The following XKR6 variants were observed in gnomAD, a reference collection of about 807,000 sequenced individuals.
XKR6 encodes the protein XK-related protein 6.
XKR6 carries 22 observed loss-of-function variants against 56.7 expected under a neutral mutation model. The observed-to-expected ratio is 0.39, with a 90% CI of 0.28 to 0.55. The LOEUF (loss-of-function observed/expected upper bound fraction) is 0.55, where lower values mean the gene tolerates loss of function less well. XKR6 is among the 20% of genes least tolerant of loss of function. XKR6 has a pLI of 0.66. For synonymous variants in XKR6, 524 were observed against 387.8 expected (o/e 1.35, Z -4.13); for missense variants, 852 against 889.0 (o/e 0.96, Z 0.53).
intron 1 of XKR6, among the ~76,000 whole-genome samples, chr8:10,985,093 C>A (rs1797830244): frequency 6.6e-6 from 1 of 152,054 alleles, no homozygotes; most frequent in Non-Finnish European, 1.5e-5. Flanking sequence ...GCACACACCA[C>A]CATGCCAGGC....
intron 1 of XKR6, among the ~76,000 whole-genome samples, chr8:10,994,957 C>T (rs558489822): frequency 2.2e-4 from 34 of 152,272 alleles, no homozygotes; most frequent in African/African-American, 7.9e-4. Flanking sequence ...TCACAAGTCC[C>T]ATCTTAGCCA....
In XKR6 at chr8:10,906,712, C is replaced by A. The variant is rs74598771; in HGVS notation, c.962-7796G>T. On this transcript the variant is annotated intron_variant, in intron 2 of 2. Transcript: ENST00000416569. ...TCCACAAGGAGTCACTTTAATGCAT[C>A]TCTGACATCTCCAGATGGACCCTTA... Among the ~76,000 whole-genome samples the A allele has an allele frequency of 3.9e-5, 6 of 152,316 alleles. No homozygotes were observed. The East Asian group carries it at 1.2e-3, about 29-fold the overall frequency.
At chr8:11,016,046 C>T (rs2129147196) in intron 1 of XKR6, among the ~76,000 whole-genome samples, 1 of 152,266 alleles carries the variant, frequency 6.6e-6, no homozygotes, top group East Asian at 1.9e-4. Context: ...CGTCGGCGAT[C>T]CCTGCCCCCT....
Position 11,181,463 on chromosome 8 carries a change from T to A in XKR6, c.764+19113A>T, listed in dbSNP as rs1179225188. ...AAACTAGATTACAAAGTGACTATAG[T>A]TTTCTTCTGGTTCCACTCAACAATG... On this transcript the variant is annotated intron_variant, in intron 1 of 2. Coordinates refer to ENST00000416569, the MANE Select transcript of XKR6 (RefSeq NM_173683.4). Among the ~76,000 whole-genome samples, 6 of 152,192 alleles carry A rather than the reference T, an allele frequency of 3.9e-5. 1 individual carries two copies. The East Asian group carries it at 1.2e-3, about 29-fold the overall frequency.
intron 1 of XKR6, among the ~76,000 whole-genome samples, chr8:11,051,895 T>C (rs187428536): frequency 3.3e-5 from 5 of 152,270 alleles, no homozygotes; most frequent in African/African-American, 1.2e-4. Context: ...GTTTGTTACA[T>C]AGGTATACAT....
At chr8:11,189,955 G>A (rs531574214) in intron 1 of XKR6, among the ~76,000 whole-genome samples, 1 of 152,120 alleles carries the variant, frequency 6.6e-6, no homozygotes, top group African/African-American at 2.4e-5. Context: ...TCAGCAGTTC[G>A]AGACCAGCCT....
intron 1 of XKR6, among the ~76,000 whole-genome samples, chr8:11,077,972 T>C (rs1255276861): frequency 6.6e-6 from 1 of 152,114 alleles, no homozygotes; most frequent in African/African-American, 2.4e-5. Context: ...GGGGAGGTTC[T>C]GGGTGGGCAG....
chr8:11,157,034 C>G (rs913908679), intron 1 of XKR6, among the ~76,000 whole-genome samples: 5 of 152,224 alleles, frequency 3.3e-5, no homozygotes, highest in Non-Finnish European at 7.3e-5. Context: ...AATTTGAGGT[C>G]ATGAGAGGGC....
At chr8:11,198,075 A>G (rs1803987308) in intron 1 of XKR6, among the ~76,000 whole-genome samples, 1 of 152,244 alleles carries the variant, frequency 6.6e-6, no homozygotes, top group African/African-American at 2.4e-5. Flanking sequence ...TTCCACAGCA[A>G]ATATGTTTAA....
chr8:10,998,538 A>G (rs1798167472), intron 1 of XKR6, among the ~76,000 whole-genome samples: 1 of 152,164 alleles, frequency 6.6e-6, no homozygotes, highest in African/African-American at 2.4e-5. Context: ...ATTCAGATTT[A>G]TTAGGAGTGG....
At chr8:11,066,044 G>A (rs972022343) in intron 1 of XKR6, among the ~76,000 whole-genome samples, 2 of 152,308 alleles carry the variant, frequency 1.3e-5, no homozygotes, top group East Asian at 1.9e-4. Flanking sequence ...TTGAAGCCCC[G>A]CCTTCTTTGG....
intron 1 of XKR6, among the ~76,000 whole-genome samples, chr8:10,983,929 A>G (rs1375580001): frequency 1.3e-5 from 2 of 152,218 alleles, no homozygotes; most frequent in African/African-American, 4.8e-5. Context: ...TGCTGGGATT[A>G]CAGGTGTGAG....
chr8:10,980,668 C>A (rs184909576), intron 1 of XKR6, among the ~76,000 whole-genome samples: 4 of 152,290 alleles, frequency 2.6e-5, no homozygotes, highest in African/African-American at 7.2e-5. Flanking sequence ...CTCTGTCTAT[C>A]TGTCTGTCTA....
chr8:11,064,044 A>G (rs970505792), intron 1 of XKR6, among the ~76,000 whole-genome samples: 1 of 152,112 alleles, frequency 6.6e-6, no homozygotes, highest in Non-Finnish European at 1.5e-5. Flanking sequence ...AACATCCATC[A>G]GTCCTTCCCT....
chr8:11,034,867 G>A (rs1375938265), intron 1 of XKR6, among the ~76,000 whole-genome samples: 1 of 152,208 alleles, frequency 6.6e-6, no homozygotes, highest in East Asian at 1.9e-4. Flanking sequence ...GGCCAGCCTT[G>A]CCTGTTCCCT....
Position 11,201,318 on chromosome 8 carries a change from C to T in XKR6, c.22G>A (p.Gly8Ser). The T allele has an allele frequency of 1.9e-6, 3 of 1,573,052 alleles. No individual in the cohort carries two copies. Among genetic ancestry groups the T allele is most frequent in the Non-Finnish European group, 2.6e-6 (3 of 1,169,938 alleles). The part of the protein sequence containing the change: MAAKSDG[G>S]GVGVGFAQLH... Reference sequence around the variant, plus strand: ...TGAGCGAAGCCCACCCCCACGCCACCGCCATCGGATTTCGCCGCCATCTTG... The same window carrying T: ...TGAGCGAAGCCCACCCCCACGCCACTGCCATCGGATTTCGCCGCCATCTTG... The change falls in exon 1 of 3, where the codon GGT becomes AGT. Residue 8 changes from glycine (G) to serine (S), a missense_variant. Coordinates refer to ENST00000416569, the MANE Select transcript of XKR6 (RefSeq NM_173683.4).
intron 1 of XKR6, among the ~76,000 whole-genome samples, chr8:11,100,854 C>T (rs931503333): frequency 2.0e-5 from 3 of 152,178 alleles, no homozygotes; most frequent in African/African-American, 4.8e-5. Context: ...CGTTGGCCTC[C>T]GAGTCAGTGC....
intron 1 of XKR6, among the ~76,000 whole-genome samples, chr8:10,959,057 C>T (rs1043491600): frequency 1.3e-5 from 2 of 152,220 alleles, no homozygotes; most frequent in Non-Finnish European, 1.5e-5. Flanking sequence ...GACGCTGACA[C>T]TCTGAGTTGC....
At chr8:10,976,190 G>A (rs560078655) in intron 1 of XKR6, among the ~76,000 whole-genome samples, 1 of 140,980 alleles carries the variant, frequency 7.1e-6, no homozygotes, top group African/African-American at 3.1e-5. Flanking sequence ...AAAAAAAAAA[G>A]TGCCCCCCCC....
Sources: allele counts gnomAD v4.1 joint callset (sites outside exome capture counted in the v4.1 genomes callset), GRCh38; gene constraint gnomAD v4.1.1; transcripts MANE v1.5; gene names NCBI Gene and HGNC (gene_info 2026-07-23, HGNC 2026-07-21).